FRY: variants seen among roughly 807,000 people sequenced by gnomAD.
The protein encoded by FRY is protein furry homolog.
FRY carries 128 observed loss-of-function variants against 348.4 expected under a neutral mutation model. That is an observed-to-expected ratio of 0.37 (90% CI 0.32 to 0.43). The LOEUF is 0.43. Among genes scored for constraint, FRY ranks in the 20% least tolerant of loss-of-function variants. The pLI is 1.00. For missense variants in FRY, 2,736 were observed against 3,695.2 expected, an observed-to-expected ratio of 0.74 and a Z score of 6.73; for synonymous variants, 1,370 against 1,374.7, an observed-to-expected ratio of 1.00 and a Z score of 0.08.
rs557131401 is a variant in FRY, at chr13:32,189,495, T to A, written c.3591+1839T>A. On this transcript the variant is annotated intron_variant, in intron 28 of 60. Coordinates refer to ENST00000542859, the MANE Select transcript of FRY (RefSeq NM_023037.3). Reference sequence around the variant, plus strand: ...ACTATCAAACTCAAAAACAGTACCATGAAGGAAATAATAGAAATAAGAGTA... The same window carrying A: ...ACTATCAAACTCAAAAACAGTACCAAGAAGGAAATAATAGAAATAAGAGTA... Among the ~76,000 whole-genome samples, 9 of 151,568 alleles carry A rather than the reference T, an allele frequency of 5.9e-5. No homozygotes were observed. The East Asian group carries it at 1.5e-3, about 26-fold the overall frequency.
At chr13:32,061,115 A>G (rs566426492) in intron 1 of FRY, 4 of 533,260 alleles carry the variant, frequency 7.5e-6, no homozygotes, top group African/African-American at 1.9e-5. Flanking sequence ...GGAGATTACA[A>G]CTGCTTGTTG....
At chr13:32,209,495 G>C (rs1466370416) in intron 32 of FRY, 90 bp from the exon 33 acceptor site, 5 of 1,237,956 alleles carry the variant, frequency 4.0e-6, no homozygotes, top group Non-Finnish European at 5.9e-6. Context: ...ATTTTGAGAC[G>C]GTCATGACCC....
chr13:32,245,044 G>A (rs557208524), intron 47 of FRY, among the ~76,000 whole-genome samples: 1 of 152,210 alleles, frequency 6.6e-6, no homozygotes, highest in African/African-American at 2.4e-5. Flanking sequence ...CCACCTCCCG[G>A]GTTCAAGCGA....
At position 32,101,991 on chromosome 13, in the gene FRY, G is replaced by A. The variant is rs566986519; in HGVS notation, c.299G>A (p.Arg100His). ...AAGCCATTGACAAAATCTCTGCAACGTGGAGAAGACCCCCAATTTGATCAG... is the reference window on the plus strand; with the variant it reads ...AAGCCATTGACAAAATCTCTGCAACATGGAGAAGACCCCCAATTTGATCAG... The part of the protein sequence containing the change: ...LEKPLTKSLQ[R>H]GEDPQFDQVI... The change falls in exon 3 of 61, where the codon CGT becomes CAT. Residue 100 changes from arginine (R) to histidine (H), a missense_variant. By Grantham distance (29) the Arg-to-His change is conservative. Around this residue, in one of 9 missense-constraint regions of FRY, gnomAD observed 309 missense variants for 418.1 expected, o/e 0.74. Coordinates refer to ENST00000542859, the MANE Select transcript of FRY (RefSeq NM_023037.3). 2.7e-5 allele frequency: 41 copies of A among 1,545,450 alleles called. No homozygotes were observed. In the African/African-American group the frequency reaches 3.0e-4, roughly 11 times the overall value.
chr13:32,107,166 G>T (rs149124216), intron 3 of FRY, among the ~76,000 whole-genome samples: 3 of 152,142 alleles, frequency 2.0e-5, no homozygotes, highest in Non-Finnish European at 4.4e-5. Flanking sequence ...AGACCAGCCT[G>T]GCCAACATGG....
At chr13:32,109,290 CA>C (rs1470473236) in intron 3 of FRY, among the ~76,000 whole-genome samples, 1 of 152,098 alleles carries the variant, frequency 6.6e-6, no homozygotes. Flanking sequence ...GTGCTGAAGT[CA>C]CAAAAATGAA....
chr13:32,046,511 A>G (rs1040492717), intron 1 of FRY, among the ~76,000 whole-genome samples: 1 of 152,240 alleles, frequency 6.6e-6, no homozygotes, highest in Non-Finnish European at 1.5e-5. Flanking sequence ...AGAGTCAGCC[A>G]GGAGTATCAG....
chr13:32,110,548 T>G (rs1215085589), intron 3 of FRY, among the ~76,000 whole-genome samples: 1 of 151,898 alleles, frequency 6.6e-6, no homozygotes, highest in Non-Finnish European at 1.5e-5. Context: ...CTGTTGGAGA[T>G]TGTATTAATG....
chr13:32,155,440 A>C (rs780327773), intron 14 of FRY, 51 bp from the exon 15 acceptor site: 1 of 1,297,832 alleles, frequency 7.7e-7, no homozygotes, highest in South Asian at 1.2e-5. Flanking sequence ...GATGTATTCC[A>C]CTACAATAAT....
intron 1 of FRY, among the ~76,000 whole-genome samples, chr13:32,053,049 G>T (rs771820986): frequency 6.6e-6 from 1 of 151,826 alleles, no homozygotes; most frequent in East Asian, 1.9e-4. Context: ...GGAGGCGGAG[G>T]TCGCAATGAG....
chr13:32,182,870 C>T (rs977781614), intron 23 of FRY, 107 bp from the exon 24 acceptor site: 6 of 733,292 alleles, frequency 8.2e-6, no homozygotes, highest in Non-Finnish European at 1.5e-5. Context: ...ATGTCAGAAG[C>T]AAAGTGTAAA....
intron 58 of FRY, among the ~76,000 whole-genome samples, chr13:32,289,366 T>C (rs1190989996): frequency 1.3e-5 from 2 of 152,222 alleles, no homozygotes; most frequent in Non-Finnish European, 2.9e-5. Context: ...GCAAATATAA[T>C]GGAAATTTGG....
At position 32,228,448 on chromosome 13, in the gene FRY, C is replaced by T; in HGVS notation, c.5207-8C>T. 1 of 1,609,946 alleles carries T rather than the reference C, an allele frequency of 6.2e-7. No homozygotes were observed. Among genetic ancestry groups the T allele is most frequent in the East Asian group, 2.2e-5 (1 of 44,880 alleles). On this transcript the variant is annotated splice_region_variant and splice_polypyrimidine_tract_variant and intron_variant, in intron 39 of 60. Coordinates refer to ENST00000542859, the MANE Select transcript of FRY (RefSeq NM_023037.3). ...GTACATCCCTCCTTGACCTTCTTCT[C>T]CCACCAGGTGGCTTTGACTTCCTGA...
At chr13:32,091,519 G>A (rs535474392) in intron 2 of FRY, among the ~76,000 whole-genome samples, 7 of 152,314 alleles carry the variant, frequency 4.6e-5, no homozygotes, top group South Asian at 4.1e-4. Context: ...TTGGGACCCC[G>A]TTATTCTTTG....
intron 1 of FRY, among the ~76,000 whole-genome samples, chr13:32,067,553 T>G (rs1874341670): frequency 6.6e-6 from 1 of 152,196 alleles, no homozygotes; most frequent in Non-Finnish European, 1.5e-5. Flanking sequence ...TCTCCCTAAT[T>G]CATATAATTT....
intron 4 of FRY, among the ~76,000 whole-genome samples, chr13:32,119,755 C>T (rs1201583034): frequency 6.6e-6 from 1 of 152,122 alleles, no homozygotes; most frequent in African/African-American, 2.4e-5. Flanking sequence ...CTCGCAGTGC[C>T]GCTTACTAGT....
chr13:32,138,167 A>G (rs1879839216), intron 11 of FRY, among the ~76,000 whole-genome samples: 1 of 151,398 alleles, frequency 6.6e-6, no homozygotes, highest in Non-Finnish European at 1.5e-5. Flanking sequence ...AGGATCTGCC[A>G]TATAGCTCTA....
At position 32,268,486 on chromosome 13, in the gene FRY, TAAAAAA is replaced by T. The variant is rs1163691921; in HGVS notation, c.8136+1142_8136+1147del. On this transcript the variant is annotated intron_variant, in intron 55 of 60. Transcript: ENST00000542859. ...ATTATAGTTAAAGAGAAAGCTAGTT[TAAAAAA>T]AAAAAAAAAAAAAATATATATATAT... 4.2e-3 allele frequency among the ~76,000 whole-genome samples: 258 copies of T among 60,746 alleles called. 1 individual carries two copies. The highest frequency in any genetic ancestry group is 9.2e-3 in the African/African-American group (157 of 17,106). The allele number at this position is 60,746 out of a possible 152,430, so 39.9% of individuals were successfully genotyped here. A position where few individuals can be genotyped will look rare whatever the true frequency, so the allele number is the denominator to read the frequency against.
intron 14 of FRY, among the ~76,000 whole-genome samples, chr13:32,152,896 T>C (rs1458286317): frequency 6.6e-6 from 1 of 152,054 alleles, no homozygotes; most frequent in Non-Finnish European, 1.5e-5. Flanking sequence ...TATAGAGAAT[T>C]CCCACATTTC....
Sources: allele counts gnomAD v4.1 joint callset (sites outside exome capture counted in the v4.1 genomes callset), GRCh38; gene constraint gnomAD v4.1.1; regional missense constraint gnomAD v4.1.1; transcripts MANE v1.5; gene names NCBI Gene and HGNC (gene_info 2026-07-23, HGNC 2026-07-21).